Variants in ADAM7 observed in about 807,000 individuals in gnomAD.
The protein encoded by ADAM7 is disintegrin and metalloproteinase domain-containing protein 7.
In ADAM7, 97 loss-of-function variants were observed where a neutral mutation model predicts 102.9. That is an observed-to-expected ratio of 0.94 (90% CI 0.80 to 1.12). The LOEUF (loss-of-function observed/expected upper bound fraction) is 1.12, where lower values mean the gene tolerates loss of function less well. ADAM7 is among the 50% of genes most tolerant of loss of function. The pLI is 0.00. For missense variants in ADAM7, 991 were observed against 908.7 expected, an observed-to-expected ratio of 1.09 and a Z score of -1.16; for synonymous variants, 334 against 304.4, an observed-to-expected ratio of 1.10 and a Z score of -1.01.
chr8:24,497,921 T>G (rs1173123545), intron 16 of ADAM7, among the ~76,000 whole-genome samples: 1 of 152,048 alleles, frequency 6.6e-6, no homozygotes, highest in African/African-American at 2.4e-5. Flanking sequence ...TTGGGGAACA[T>G]AATTGTTGGG....
chr8:24,471,602 G>C (rs1819606807), intron 7 of ADAM7, among the ~76,000 whole-genome samples: 1 of 151,946 alleles, frequency 6.6e-6, no homozygotes, highest in Non-Finnish European at 1.5e-5. Flanking sequence ...AGGAACAATA[G>C]GCTATACCAT....
chr8:24,449,804 T>A (rs577140486), intron 3 of ADAM7, among the ~76,000 whole-genome samples: 6 of 152,358 alleles, frequency 3.9e-5, no homozygotes, highest in African/African-American at 1.4e-4. Flanking sequence ...AAGTCTTTAA[T>A]CCATCCTGAA....
intron 7 of ADAM7, among the ~76,000 whole-genome samples, chr8:24,470,083 G>GA (rs1177924738): frequency 1.3e-5 from 2 of 152,146 alleles, no homozygotes; most frequent in South Asian, 2.1e-4. Flanking sequence ...TAACATGGTA[G>GA]AAAAATTTCT....
intron 8 of ADAM7, among the ~76,000 whole-genome samples, chr8:24,480,286 T>C (rs1306669835): frequency 6.6e-6 from 1 of 152,186 alleles, no homozygotes; most frequent in Admixed American, 6.6e-5. Context: ...GGAGGTTACA[T>C]AGCACATTAT....
chr8:24,485,671 A>T (rs1448684414), intron 10 of ADAM7, among the ~76,000 whole-genome samples: 1 of 152,200 alleles, frequency 6.6e-6, no homozygotes, highest in Non-Finnish European at 1.5e-5. Flanking sequence ...AATAATGCAC[A>T]TAAAGGTTGA....
At chr8:24,506,923 T>C (rs1231216266) in intron 20 of ADAM7, among the ~76,000 whole-genome samples, 4 of 152,260 alleles carry the variant, frequency 2.6e-5, no homozygotes, top group Non-Finnish European at 4.4e-5. Context: ...TTTTCAACTT[T>C]GTATTTTTAA....
intron 2 of ADAM7, 86 bp downstream of exon 2, chr8:24,442,662 G>A: frequency 9.4e-7 from 1 of 1,067,830 alleles, no homozygotes; most frequent in South Asian, 1.3e-5. Flanking sequence ...AAGCAAATAG[G>A]GAGAGAGGAG....
At chr8:24,444,955 T>C (rs1301884581) in intron 2 of ADAM7, among the ~76,000 whole-genome samples, 1 of 152,178 alleles carries the variant, frequency 6.6e-6, no homozygotes, top group East Asian at 1.9e-4. Context: ...CTGTACTATC[T>C]TTCCAACTTT....
chr8:24,473,265 C>T (rs1819665237), intron 7 of ADAM7, among the ~76,000 whole-genome samples: 1 of 152,020 alleles, frequency 6.6e-6, no homozygotes, highest in African/African-American at 2.4e-5. Flanking sequence ...ATTTATCTAC[C>T]ACTGTGTAAT....
intron 15 of ADAM7, 133 bp from the exon 16 acceptor site, chr8:24,492,910 T>G (rs1820415417): frequency 1.2e-6 from 1 of 867,304 alleles, no homozygotes; most frequent in Admixed American, 3.4e-5. Flanking sequence ...TGGTTTTCTC[T>G]GCCCATTACA....
In ADAM7 at chr8:24,441,057, G is replaced by A; in HGVS notation, c.-52G>A. The A allele has an allele frequency of 2.6e-6, 4 of 1,544,412 alleles. No individual in the cohort carries two copies. Among genetic ancestry groups the A allele is most frequent in the Admixed American group, 1.7e-5 (1 of 59,840 alleles). ...GCAGTGGAAGTGAGGAGGAAGAAAG[G>A]TGAACTCCTTTTCTCAAGCACTTCT... On this transcript the variant is annotated 5_prime_UTR_variant, in exon 1 of 22. The change creates a new upstream start codon in the 5' untranslated region. Transcript: ENST00000175238.
At chr8:24,471,627 T>C (rs1005909144) in intron 7 of ADAM7, among the ~76,000 whole-genome samples, 3 of 152,160 alleles carry the variant, frequency 2.0e-5, no homozygotes, top group Non-Finnish European at 2.9e-5. Flanking sequence ...TTTAACTGTG[T>C]TGTAGGTTAT....
chr8:24,454,346 C>A (rs532534579), intron 3 of ADAM7, among the ~76,000 whole-genome samples: 8 of 152,368 alleles, frequency 5.3e-5, no homozygotes. Flanking sequence ...CCTAAGCAAG[C>A]CTGGGCAATG....
chr8:24,492,276 A>G, intron 14 of ADAM7, 178 bp downstream of exon 14: 2 of 708,378 alleles, frequency 2.8e-6, no homozygotes, highest in Non-Finnish European at 4.6e-6. Context: ...GTCTAATATT[A>G]ACTATCTCAG....
chr8:24,488,588 A>C (rs1820225677), intron 11 of ADAM7, among the ~76,000 whole-genome samples: 1 of 152,144 alleles, frequency 6.6e-6, no homozygotes, highest in South Asian at 2.1e-4. Context: ...CTAAAGACCT[A>C]CTGTATTGAA....
At chr8:24,501,904 G>T (rs1418925658) in intron 20 of ADAM7, among the ~76,000 whole-genome samples, 1 of 151,962 alleles carries the variant, frequency 6.6e-6, no homozygotes, top group African/African-American at 2.4e-5. Flanking sequence ...AAACTTAAAA[G>T]AACTGAGCTG....
intron 11 of ADAM7, 117 bp from the exon 12 acceptor site, chr8:24,489,042 C>A: frequency 1.1e-6 from 1 of 934,828 alleles, no homozygotes; most frequent in Non-Finnish European, 1.5e-6. Context: ...TACTTCCCTG[C>A]TCTAACAGTA....
At chr8:24,497,440 T>C (rs1820597580) in intron 16 of ADAM7, among the ~76,000 whole-genome samples, 2 of 152,160 alleles carry the variant, frequency 1.3e-5, no homozygotes, top group Non-Finnish European at 2.9e-5. Flanking sequence ...GTACAAACCA[T>C]GATTACTGGT....
chr8:24,485,973 T>G (rs1820130519), intron 10 of ADAM7, among the ~76,000 whole-genome samples: 1 of 152,162 alleles, frequency 6.6e-6, no homozygotes, highest in South Asian at 2.1e-4. Flanking sequence ...GATAAAAAAT[T>G]TCAAAGCTAG....
Sources: gnomAD v4.1 joint callset for allele counts (sites outside exome capture counted in the v4.1 genomes callset) on GRCh38, gnomAD v4.1.1 for gene constraint, MANE v1.5 for transcripts, NCBI Gene and HGNC (gene_info 2026-07-23, HGNC 2026-07-21) for gene names.